IGLL1: variants seen among roughly 807,000 people sequenced by gnomAD.
IGLL1 encodes immunoglobulin lambda like polypeptide 1.
In IGLL1, 10 loss-of-function variants were observed where a neutral mutation model predicts 10.5. The ratio of observed to expected loss-of-function variants is 0.95; its 90% CI spans 0.59 to 1.62. IGLL1 has a LOEUF of 1.62. IGLL1 is among the 40% of genes most tolerant of loss of function. The pLI is 0.00. For missense variants in IGLL1, 284 were observed against 278.7 expected (o/e 1.02, Z -0.14); for synonymous variants, 141 against 122.7 (o/e 1.15, Z -0.99).
At chr22:23,576,220 A>T (rs1602290442) in intron 1 of IGLL1, among the ~76,000 whole-genome samples, 1 of 150,712 alleles carries the variant, frequency 6.6e-6, no homozygotes, top group East Asian at 2.0e-4. Context: ...GAGTCCCTGG[A>T]CTCAGTCACC....
rs529642662 is a variant in IGLL1 at position 23,578,983 on chromosome 22, AAG to A, written c.206+1000_206+1001del. Among the ~76,000 whole-genome samples, 5 of 152,040 alleles carry A rather than the reference AAG, an allele frequency of 3.3e-5. No individual in the cohort carries two copies. In the South Asian group the frequency reaches 1.0e-3, roughly 32 times the overall value. On this transcript the variant is annotated intron_variant, in intron 1 of 2. Transcript: ENST00000330377. ...GAAACTTTATTTGAAAAAGAAAAAA[AAG>A]AGAGAAAAAGGGAAACTCAGGTCCC...
Position 23,580,255 on chromosome 22 carries a change from C to T in IGLL1, c.-65G>A. The T allele has an allele frequency of 6.5e-7, 1 of 1,532,104 alleles. No individual in the cohort carries two copies. Among genetic ancestry groups the T allele is most frequent in the East Asian group, 2.5e-5 (1 of 40,792 alleles). 94.9% of individuals were successfully genotyped at this position (1,532,104 alleles called of 1,614,324 possible). ...GTGTGGGCTCCCTAGAGAGTGGTGC[C>T]CTGGTCCCTCTCGCTGGCAGCAGCT... On this transcript the variant is annotated 5_prime_UTR_variant, in exon 1 of 3. Coordinates refer to ENST00000330377, the MANE Select transcript of IGLL1 (RefSeq NM_020070.4).
chr22:23,574,300 G>A lies in IGLL1; in HGVS notation c.322+667C>T, dbSNP rs1470075243. On this transcript the variant is annotated intron_variant, in intron 2 of 2. Transcript: ENST00000330377. ...AAGGTGCCCTTCCTCAAATGAAGGT[G>A]GGAGGTCGACCCATGAACAGAGAGA... 8.5e-5 allele frequency among the ~76,000 whole-genome samples: 13 copies of A among 152,276 alleles called. No individual in the cohort carries two copies. The South Asian group carries it at 2.7e-3, about 32-fold the overall frequency.
Position 23,573,520 on chromosome 22 carries a change from T to A in IGLL1, c.388A>T (p.Lys130Ter), listed in dbSNP as rs1924896201. 3 of 1,613,888 alleles carry A rather than the reference T, an allele frequency of 1.9e-6. No individual in the cohort carries two copies. In the East Asian group the frequency reaches 6.7e-5, roughly 36 times the overall value. The change falls in exon 3 of 3, where the codon AAG (lysine) becomes TAG (stop). Residue 130 changes from lysine (K) to a stop codon, truncating the protein, a stop_gained. Coordinates refer to ENST00000330377, the MANE Select transcript of IGLL1 (RefSeq NM_020070.4). LOFTEE classifies it low-confidence loss of function (END_TRUNC). ...PPSSEELQANKATLVCLMNDF... is the reference protein window; with the variant it reads ...PPSSEELQAN ...TTCATGAGACACACCAGTGTAGCCT[T>A]GTTGGCTTGGAGCTCCTCAGAGGAC...
intron 1 of IGLL1, among the ~76,000 whole-genome samples, chr22:23,578,371 A>T (rs903337377): frequency 6.6e-6 from 1 of 151,798 alleles, no homozygotes; most frequent in African/African-American, 2.4e-5. Flanking sequence ...CTGTCTCCTC[A>T]CCCGGCCCCC....
At chr22:23,573,825 C>T (rs1208037431) in intron 2 of IGLL1, among the ~76,000 whole-genome samples, 1 of 152,098 alleles carries the variant, frequency 6.6e-6, no homozygotes, top group East Asian at 1.9e-4. Flanking sequence ...CCAGCCCTTT[C>T]CTCTGCAGCC....
At chr22:23,573,643 C>T (rs1296076245) in intron 2 of IGLL1, 58 bp from the exon 3 acceptor site, 30 of 1,354,130 alleles carry the variant, frequency 2.2e-5, no homozygotes, top group East Asian at 6.9e-5. Flanking sequence ...TGTTGTGGAG[C>T]GCCTCTCTCT....
chr22:23,576,795 A>G (rs558566498), intron 1 of IGLL1, among the ~76,000 whole-genome samples: 1 of 152,282 alleles, frequency 6.6e-6, no homozygotes, highest in East Asian at 1.9e-4. Context: ...GCTCCGTGGC[A>G]CTAAGTACAT....
In IGLL1 at chr22:23,573,472, T is replaced by A. The variant is rs1252602953; in HGVS notation, c.436A>T (p.Thr146Ser). 1 of 1,613,892 alleles carries A rather than the reference T, an allele frequency of 6.2e-7. No individual in the cohort carries two copies. Among genetic ancestry groups the A allele is most frequent in the Non-Finnish European group, 8.5e-7 (1 of 1,179,850 alleles). ...GTACCATCTGCCTTCCAGGTCACCG[T>A]CAAGATTCCCGGATAAAAGTCATTC... Reference protein sequence around the residue: ...LMNDFYPGILTVTWKADGTPI... With the variant: ...LMNDFYPGILSVTWKADGTPI... The change falls in exon 3 of 3, where the codon ACG becomes TCG. Residue 146 changes from threonine (T) to serine (S), a missense_variant. By Grantham distance (58) the Thr-to-Ser change is moderately conservative (BLOSUM62 1). Transcript: ENST00000330377.
Position 23,573,374 on chromosome 22 carries a change from G to A in IGLL1, c.534C>T (p.Tyr178=), listed in dbSNP as rs1208509972. 2 of 1,614,150 alleles carry A rather than the reference G, an allele frequency of 1.2e-6. No homozygotes were observed. The highest frequency in any genetic ancestry group is 2.2e-5 in the East Asian group (1 of 44,850). Residue 178 remains tyrosine, a synonymous_variant, in exon 3 of 3, where the codon TAC becomes TAT. Transcript: ENST00000330377. ...TCCACTGCTCGGGCGTCAGGCTCAG[G>A]TAGCTGCTGGCCGCGTACTTGTTGT... is the stretch of plus-strand genomic sequence containing the variant. The part of the protein sequence containing the change: ...QSNNKYAASS[Y]LSLTPEQWRS...
chr22:23,575,116 G>C (rs775254261), intron 1 of IGLL1, 34 bp from the exon 2 acceptor site: 8 of 1,485,916 alleles, frequency 5.4e-6, no homozygotes, highest in Non-Finnish European at 7.5e-6. Context: ...GCTGCAGTGT[G>C]TAGGCTGTGA....
intron 2 of IGLL1, among the ~76,000 whole-genome samples, chr22:23,574,697 AG>A (rs1397876811): frequency 1.3e-5 from 2 of 151,928 alleles, no homozygotes; most frequent in African/African-American, 4.8e-5. Context: ...GCCCTGGGAG[AG>A]GGGAGGAGCC....
At chr22:23,575,384 G>A (rs2123698728) in intron 1 of IGLL1, among the ~76,000 whole-genome samples, 1 of 152,192 alleles carries the variant, frequency 6.6e-6, no homozygotes, top group Non-Finnish European at 1.5e-5. Context: ...TCATTTTAAG[G>A]GCCTCTGAAA....
At position 23,574,853 on chromosome 22, in the gene IGLL1, T is replaced by C. The variant is rs1282537285; in HGVS notation, c.322+114A>G. On this transcript the variant is annotated intron_variant, in intron 2 of 2. Transcript: ENST00000330377. ...CTCCTCCAGGCCCCATGGACAAAGG[T>C]AGGGGTCAGTGCTTAAGGCTGGGAG... The C allele has an allele frequency of 2.6e-5, 20 of 760,096 alleles. No individual in the cohort carries two copies. The Admixed American group carries it at 3.4e-4, about 13-fold the overall frequency. The allele number at this position is 760,096 out of a possible 1,614,324, so 47.1% of individuals were successfully genotyped here.
intron 2 of IGLL1, 87 bp from the exon 3 acceptor site, chr22:23,573,672 G>T: frequency 1.9e-6 from 2 of 1,080,608 alleles, no homozygotes; most frequent in Non-Finnish European, 2.8e-6. Context: ...TCTCTGGGAG[G>T]GTTCATGGTG....
In IGLL1 at chr22:23,573,386, C is replaced by T. The variant is rs374026526; in HGVS notation, c.522G>A (p.Ala174=). Residue 174 remains alanine (A), a synonymous_variant, in exon 3 of 3, where the codon GCG becomes GCA. Coordinates refer to ENST00000330377, the MANE Select transcript of IGLL1 (RefSeq NM_020070.4). ...GCGTCAGGCTCAGGTAGCTGCTGGCCGCGTACTTGTTGTTGCTCTGTTTGG... is the reference window on the plus strand; with the variant it reads ...GCGTCAGGCTCAGGTAGCTGCTGGCTGCGTACTTGTTGTTGCTCTGTTTGG... ...TPSKQSNNKY[A]ASSYLSLTPE... is the part of the protein sequence containing the mutation. 21 of 1,613,956 alleles carry T rather than the reference C, an allele frequency of 1.3e-5. No individual in the cohort carries two copies. The highest frequency in any genetic ancestry group is 1.6e-4 in the Middle Eastern group (1 of 6,082).
chr22:23,579,963 C>A, intron 1 of IGLL1, 22 bp downstream of exon 1: 1 of 1,556,934 alleles, frequency 6.4e-7, no homozygotes, highest in Non-Finnish European at 8.6e-7. Flanking sequence ...CCCCACATCC[C>A]CTGGAATCTC....
At position 23,579,999 on chromosome 22, in the gene IGLL1, C is replaced by T; in HGVS notation, c.192G>A (p.Arg64=). Residue 64 remains arginine, a synonymous_variant, in exon 1 of 3, where the codon AGG becomes AGA. Coordinates refer to ENST00000330377, the MANE Select transcript of IGLL1 (RefSeq NM_020070.4). ...APGGSSRSSL[R]SRWGRFLLQR... ...TCACCCCTTACCTGCCCCACCGGCTCCTCAGGCTGGACCGGCTGCTTCCTC... is the reference window on the plus strand; with the variant it reads ...TCACCCCTTACCTGCCCCACCGGCTTCTCAGGCTGGACCGGCTGCTTCCTC... The T allele has an allele frequency of 6.3e-7, 1 of 1,583,840 alleles. No individual in the cohort carries two copies. Among genetic ancestry groups the T allele is most frequent in the Non-Finnish European group, 8.6e-7 (1 of 1,169,416 alleles).
chr22:23,579,952 C>T, intron 1 of IGLL1, 33 bp downstream of exon 1: 2 of 1,534,188 alleles, frequency 1.3e-6, no homozygotes, highest in Non-Finnish European at 1.8e-6. Context: ...GCCACCCAGA[C>T]CCCCACATCC....
Sources: gnomAD v4.1 joint callset for allele counts (sites outside exome capture counted in the v4.1 genomes callset) on GRCh38, gnomAD v4.1.1 for gene constraint, MANE v1.5 for transcripts, NCBI Gene and HGNC (gene_info 2026-07-23, HGNC 2026-07-21) for gene names.